UPK3A: variants seen among roughly 807,000 people sequenced by gnomAD.
The protein encoded by UPK3A is uroplakin-3a.
Under a neutral mutation model 27.6 loss-of-function variants are expected in UPK3A, and 32 were observed. The observed-to-expected ratio is 1.16, with a 90% confidence interval of 0.87 to 1.55. UPK3A has a LOEUF of 1.55. UPK3A is among the 40% of genes most tolerant of loss of function. The probability of loss-of-function intolerance (pLI) is 0.00; values close to 1 mark genes in which losing one functional copy is unlikely to be tolerated. For synonymous variants in UPK3A, 171 were observed against 163.9 expected, an observed-to-expected ratio of 1.04 and a Z score of -0.33; for missense variants, 370 against 367.9, an observed-to-expected ratio of 1.01 and a Z score of -0.05.
chr22:45,285,403 A>T (rs2147791869), intron 1 of UPK3A, among the ~76,000 whole-genome samples: 1 of 152,040 alleles, frequency 6.6e-6, no homozygotes, highest in Admixed American at 6.5e-5. Context: ...CATGGAGGGG[A>T]GACAATATTG....
At position 45,287,287 on chromosome 22, in the gene UPK3A, C is replaced by A; in HGVS notation, c.324C>A (p.Ile108=). The change falls in exon 3 of 6, where the codon ATC becomes ATA. Residue 108 remains isoleucine (I), a synonymous_variant. Transcript: ENST00000216211. ...ACAAAGCTGTGGCCTTTGACCTGAT[C>A]CCCTGCAGTGACCTGCCCAGCCTGG... ...GPYKAVAFDL[I]PCSDLPSLDA... The A allele has an allele frequency of 6.2e-7, 1 of 1,614,222 alleles. No homozygotes were observed. Among genetic ancestry groups the A allele is most frequent in the Non-Finnish European group, 8.5e-7 (1 of 1,180,044 alleles).
At position 45,287,486 on chromosome 22, in the gene UPK3A, G is replaced by A. The variant is rs1331329196; in HGVS notation, c.488+35G>A. On this transcript the variant is annotated intron_variant, in intron 3 of 5. Coordinates refer to ENST00000216211, the MANE Select transcript of UPK3A (RefSeq NM_006953.4). ...AACAAACCACTACAGGAGAGCCGCG[G>A]CAGTTCCCCAGTCCTGATGAGGGAG... The A allele has an allele frequency of 1.9e-6, 3 of 1,561,932 alleles. No homozygotes were observed. In the South Asian group the frequency reaches 3.5e-5, roughly 18 times the overall value.
chr22:45,285,098 C>T, intron 1 of UPK3A, 33 bp downstream of exon 1: 2 of 1,530,116 alleles, frequency 1.3e-6, no homozygotes, highest in Non-Finnish European at 1.7e-6. Flanking sequence ...GGGCTGAGCC[C>T]AGAAAGAGCG....
intron 2 of UPK3A, 142 bp from the exon 3 acceptor site, chr22:45,287,030 A>G: frequency 1.6e-6 from 2 of 1,236,464 alleles, no homozygotes; most frequent in Non-Finnish European, 2.3e-6. Flanking sequence ...GAGGGCAGAG[A>G]CTAAGTTTGC....
At chr22:45,286,282 A>G (rs1227642550) in intron 2 of UPK3A, among the ~76,000 whole-genome samples, 186 bp downstream of exon 2, 3 of 152,202 alleles carry the variant, frequency 2.0e-5, no homozygotes, top group African/African-American at 7.2e-5. Context: ...TAACACCACC[A>G]GTCACTGAAC....
Position 45,289,082 on chromosome 22 carries a change from T to C in UPK3A, c.510T>C (p.Asn170=), listed in dbSNP as rs777225302. Residue 170 remains asparagine, a synonymous_variant, in exon 4 of 6, where the codon AAT becomes AAC. Coordinates refer to ENST00000216211, the MANE Select transcript of UPK3A (RefSeq NM_006953.4). ...TEYRFKYVLV[N]MSTGLVEDQT... ...CCAGGTTCAAGTATGTCCTGGTCAA[T>C]ATGTCCACGGGCTTGGTAGAGGACC... is the stretch of plus-strand genomic sequence containing the variant. The C allele has an allele frequency of 2.4e-5, 38 of 1,613,794 alleles. No individual in the cohort carries two copies. The highest frequency in any genetic ancestry group is 3.2e-5 in the Non-Finnish European group (38 of 1,180,010).
intron 1 of UPK3A, 30 bp from the exon 2 acceptor site, chr22:45,285,911 G>A (rs757530563): frequency 6.2e-7 from 1 of 1,613,040 alleles, no homozygotes. Context: ...TCTGCCGGAG[G>A]TCAGTTCCCA....
intron 1 of UPK3A, among the ~76,000 whole-genome samples, chr22:45,285,648 G>C (rs747856037): frequency 6.6e-6 from 1 of 152,224 alleles, no homozygotes; most frequent in African/African-American, 2.4e-5. Flanking sequence ...AGGTGAGGAA[G>C]GTGGGACGGA....
At chr22:45,287,598 C>A in intron 3 of UPK3A, 147 bp downstream of exon 3, 1 of 1,008,604 alleles carries the variant, frequency 9.9e-7, no homozygotes, top group Non-Finnish European at 1.5e-6. Context: ...CGCTGAGCCT[C>A]AAGTTCAGAA....
intron 2 of UPK3A, among the ~76,000 whole-genome samples, chr22:45,286,594 T>A (rs1052145756): frequency 2.0e-5 from 3 of 152,332 alleles, no homozygotes; most frequent in East Asian, 3.9e-4. Flanking sequence ...CCTGAGCTTC[T>A]GAGACAAGCC....
chr22:45,286,243 C>T, intron 2 of UPK3A, 147 bp downstream of exon 2: 2 of 1,040,544 alleles, frequency 1.9e-6, no homozygotes, highest in Non-Finnish European at 2.9e-6. Flanking sequence ...CCTTGCCTTG[C>T]AGGGACATCC....
chr22:45,291,806 G>A (rs2084163842), intron 4 of UPK3A, among the ~76,000 whole-genome samples: 2 of 149,690 alleles, frequency 1.3e-5, no homozygotes, highest in South Asian at 2.1e-4. Flanking sequence ...GTGTGTGTGT[G>A]TAAGAGTTTG....
chr22:45,285,158 TG>T, intron 1 of UPK3A, 93 bp downstream of exon 1: 1 of 1,218,036 alleles, frequency 8.2e-7, no homozygotes, highest in Non-Finnish European at 1.1e-6. Flanking sequence ...TTCCTGGCGC[TG>T]GGGACCCAGA....
At chr22:45,286,122 A>C (rs1328584069) in intron 2 of UPK3A, 26 bp downstream of exon 2, 1 of 1,613,454 alleles carries the variant, frequency 6.2e-7, no homozygotes, top group South Asian at 1.1e-5. Flanking sequence ...CCCTCTGGCT[A>C]CTCCAAAAGG....
At position 45,293,279 on chromosome 22, in the gene UPK3A, G is replaced by A; in HGVS notation, c.670G>A (p.Val224Met). 1 of 1,614,116 alleles carries A rather than the reference G, an allele frequency of 6.2e-7. No homozygotes were observed. Among genetic ancestry groups the A allele is most frequent in the Non-Finnish European group, 8.5e-7 (1 of 1,180,038 alleles). Residue 224 changes from valine (V) to methionine (M), a missense_variant, in exon 5 of 6, where the codon GTG (valine) becomes ATG (methionine). Coordinates refer to ENST00000216211, the MANE Select transcript of UPK3A (RefSeq NM_006953.4). Reference sequence around the variant, plus strand: ...GGGCTCCCTGCCCTTCTTTCTACTTGTGGGTTTTGCTGGCGCCATTGCCCT... The same window carrying A: ...GGGCTCCCTGCCCTTCTTTCTACTTATGGGTTTTGCTGGCGCCATTGCCCT... ...ILGSLPFFLL[V>M]GFAGAIALSL...
intron 4 of UPK3A, among the ~76,000 whole-genome samples, chr22:45,289,594 GAA>G (rs965463589): frequency 9.9e-5 from 12 of 121,640 alleles, no homozygotes; most frequent in African/African-American, 3.0e-4. Context: ...AAAAAAAAAA[GAA>G]AAAAAAAATT....
chr22:45,289,028 C>G, intron 3 of UPK3A, 33 bp from the exon 4 acceptor site: 2 of 1,609,850 alleles, frequency 1.2e-6, no homozygotes, highest in Non-Finnish European at 1.7e-6. Flanking sequence ...TCACAGGAAG[C>G]ATAAAAGTCA....
At chr22:45,289,702 C>T (rs554391595) in intron 4 of UPK3A, among the ~76,000 whole-genome samples, 3 of 151,026 alleles carry the variant, frequency 2.0e-5, no homozygotes, top group East Asian at 1.9e-4. Context: ...TGCAGTGAGC[C>T]GAGATCACGC....
At chr22:45,292,767 G>T (rs1002065518) in intron 4 of UPK3A, among the ~76,000 whole-genome samples, 1 of 151,760 alleles carries the variant, frequency 6.6e-6, no homozygotes, top group African/African-American at 2.4e-5. Flanking sequence ...AATTAGCTGG[G>T]CATGGTGGCG....
Sources: allele counts gnomAD v4.1 joint callset (sites outside exome capture counted in the v4.1 genomes callset), GRCh38; gene constraint gnomAD v4.1.1; transcripts MANE v1.5; gene names NCBI Gene and HGNC (gene_info 2026-07-23, HGNC 2026-07-21).